DLGAP2: variants seen among roughly 807,000 people sequenced by gnomAD.
The protein encoded by DLGAP2 is disks large-associated protein 2.
DLGAP2 carries 26 observed loss-of-function variants against 100.3 expected under a neutral mutation model. The ratio of observed to expected loss-of-function variants is 0.26; its 90% CI spans 0.19 to 0.36. The LOEUF (loss-of-function observed/expected upper bound fraction) is 0.36. DLGAP2 is among the 10% of genes least tolerant of loss of function. The probability of loss-of-function intolerance (pLI) is 1.00; values close to 1 mark genes in which losing one functional copy is unlikely to be tolerated. For synonymous variants in DLGAP2, 886 were observed against 630.1 expected (o/e 1.41, Z -6.08); for missense variants, 1,858 against 1,453.2 (o/e 1.28, Z -4.53).
rs1797611744 is a variant in DLGAP2, at chr8:1,436,005, G to A, written c.107-65361G>A. Among the ~76,000 whole-genome samples the A allele has an allele frequency of 4.6e-5, 7 of 152,196 alleles. No homozygotes were observed. In the South Asian group the frequency reaches 1.4e-3, roughly 31 times the overall value. ...CTCAGCCTTACAAGAGAGTCAAACA[G>A]TTTTAAAAATAAAATAAAGTACAAG... On this transcript the variant is annotated intron_variant, in intron 3 of 14. Coordinates refer to ENST00000637795, the MANE Select transcript of DLGAP2 (RefSeq NM_001346810.2).
chr8:1,158,410 T>C (rs1796832310), intron 2 of DLGAP2, among the ~76,000 whole-genome samples: 1 of 152,242 alleles, frequency 6.6e-6, no homozygotes, highest in Non-Finnish European at 1.5e-5. Context: ...TATTGACTTA[T>C]ATTTGAGATT....
intron 4 of DLGAP2, among the ~76,000 whole-genome samples, chr8:1,545,897 C>T (rs1801519003): frequency 6.6e-6 from 1 of 152,048 alleles, no homozygotes; most frequent in African/African-American, 2.4e-5. Flanking sequence ...GTGAGTGGGG[C>T]AGTAATGGAC....
At chr8:1,010,323 A>G (rs1166520746) in intron 2 of DLGAP2, among the ~76,000 whole-genome samples, 1 of 152,104 alleles carries the variant, frequency 6.6e-6, no homozygotes, top group Admixed American at 6.5e-5. Flanking sequence ...ACACACATAC[A>G]CACATGTGCC....
chr8:1,632,009 G>T (rs964308203), intron 7 of DLGAP2, among the ~76,000 whole-genome samples: 1 of 152,024 alleles, frequency 6.6e-6, no homozygotes, highest in Non-Finnish European at 1.5e-5. Context: ...AGCTGTTGGT[G>T]CTTTGAGCTG....
At chr8:1,090,339 C>G (rs2129041367) in intron 2 of DLGAP2, among the ~76,000 whole-genome samples, 1 of 133,106 alleles carries the variant, frequency 7.5e-6, no homozygotes, top group South Asian at 2.3e-4. Context: ...CATGTCTGCC[C>G]TCTGGGGCCC....
chr8:959,633 T>C (rs1799676750), intron 2 of DLGAP2, among the ~76,000 whole-genome samples: 1 of 152,232 alleles, frequency 6.6e-6, no homozygotes, highest in Non-Finnish European at 1.5e-5. Flanking sequence ...TGTGGTCTTC[T>C]GGGAAACTGT....
intron 2 of DLGAP2, among the ~76,000 whole-genome samples, chr8:1,126,067 T>C (rs1410934008): frequency 6.6e-6 from 1 of 152,226 alleles, no homozygotes; most frequent in Non-Finnish European, 1.5e-5. Context: ...CCCACATGTC[T>C]TCGAACACGC....
In DLGAP2 at chr8:1,155,986, C is replaced by T. The variant is rs1451522079; in HGVS notation, c.74-102865C>T. On this transcript the variant is annotated intron_variant, in intron 2 of 14. Transcript: ENST00000637795. ...CCTGCGCTGCCCCTGACGGAGTCCC[C>T]GTCGCAGAGGGCCTGTGGGCCGGTG... 2.6e-5 allele frequency among the ~76,000 whole-genome samples: 4 copies of T among 152,262 alleles called. No homozygotes were observed. In the South Asian group the frequency reaches 8.3e-4, roughly 32 times the overall value.
chr8:1,351,846 G>A (rs796201563), intron 3 of DLGAP2, among the ~76,000 whole-genome samples: 1 of 61,316 alleles, frequency 1.6e-5, no homozygotes, highest in Admixed American at 2.4e-4. Flanking sequence ...CGGGTCCTGA[G>A]TGTGCGTGGA....
At chr8:807,238 C>G (rs1223521426) in intron 1 of DLGAP2, among the ~76,000 whole-genome samples, 1 of 151,708 alleles carries the variant, frequency 6.6e-6, no homozygotes, top group African/African-American at 2.4e-5. Context: ...AGTTCTCTCT[C>G]CTCTTTTTCT....
At chr8:1,663,205 T>C (rs773786372) in intron 8 of DLGAP2, among the ~76,000 whole-genome samples, 8 of 151,502 alleles carry the variant, frequency 5.3e-5, no homozygotes, top group Non-Finnish European at 1.2e-4. Flanking sequence ...ACTGTGTGTG[T>C]GTACACGTGT....
chr8:1,676,641 G>T, intron 11 of DLGAP2, 23 bp downstream of exon 11: 2 of 1,602,556 alleles, frequency 1.2e-6, no homozygotes, highest in African/African-American at 1.3e-5. Context: ...CTCCTGACAC[G>T]CGGTGACCCC....
Position 1,669,494 on chromosome 8 carries a change from T to C in DLGAP2, c.2161-249T>C, listed in dbSNP as rs551710713. 9.9e-5 allele frequency among the ~76,000 whole-genome samples: 15 copies of C among 152,242 alleles called. 1 individual carries two copies. The highest frequency in any genetic ancestry group is 1.9e-4 in the Non-Finnish European group (13 of 68,034). On this transcript the variant is annotated intron_variant, in intron 9 of 14. Coordinates refer to ENST00000637795, the MANE Select transcript of DLGAP2 (RefSeq NM_001346810.2). ...TTGAGCAGGGCTGGCCGTCAAGCCC[T>C]CTGCCAACACGGCCCACCTCCTGCT... is the stretch of plus-strand genomic sequence containing the variant.
At chr8:1,631,147 G>C (rs1196297301) in intron 7 of DLGAP2, among the ~76,000 whole-genome samples, 2 of 152,110 alleles carry the variant, frequency 1.3e-5, no homozygotes, top group Non-Finnish European at 2.9e-5. Flanking sequence ...ATTTGTTTTG[G>C]GGAGGAGGAG....
In DLGAP2 at chr8:1,157,542, C is replaced by T. The variant is rs139880095; in HGVS notation, c.74-101309C>T. Among the ~76,000 whole-genome samples, 733 of 152,298 alleles carry T rather than the reference C, an allele frequency of 4.8e-3. 5 individuals are homozygous for T. The highest frequency in any genetic ancestry group is 0.017 in the African/African-American group (703 of 41,552). ...CTAAATTACGTGGGCCTTTCAGAAC[C>T]AATCAGGCTGTGCTCTGTGTCCCGG... On this transcript the variant is annotated intron_variant, in intron 2 of 14. Transcript: ENST00000637795.
intron 1 of DLGAP2, among the ~76,000 whole-genome samples, chr8:884,480 G>GT (rs956763880): frequency 1.6e-3 from 242 of 148,756 alleles, no homozygotes; most frequent in East Asian, 5.9e-3. Flanking sequence ...ACTTTTCGAT[G>GT]TTTTTTTTTT....
At chr8:1,660,288 A>G (rs1266353734) in intron 8 of DLGAP2, among the ~76,000 whole-genome samples, 4 of 152,194 alleles carry the variant, frequency 2.6e-5, no homozygotes, top group African/African-American at 9.6e-5. Flanking sequence ...TCATTAAAGG[A>G]AAATTCTACT....
intron 3 of DLGAP2, among the ~76,000 whole-genome samples, chr8:1,481,352 T>C (rs1301774615): frequency 2.6e-5 from 4 of 151,814 alleles, no homozygotes; most frequent in African/African-American, 9.7e-5. Context: ...AGCCTGGAGG[T>C]GGAGATAGAA....
At chr8:1,345,206 C>T (rs1010040392) in intron 3 of DLGAP2, among the ~76,000 whole-genome samples, 1 of 152,236 alleles carries the variant, frequency 6.6e-6, no homozygotes, top group Non-Finnish European at 1.5e-5. Flanking sequence ...TTCTGAGGAG[C>T]ACTACTGTAT....
Sources: gnomAD v4.1 joint callset for allele counts (sites outside exome capture counted in the v4.1 genomes callset) on GRCh38, gnomAD v4.1.1 for gene constraint, MANE v1.5 for transcripts, NCBI Gene and HGNC (gene_info 2026-07-23, HGNC 2026-07-21) for gene names.